Variants in SESTD1 observed in about 807,000 individuals in gnomAD.
SESTD1 encodes the protein SEC14 domain and spectrin repeat-containing protein 1.
Under a neutral mutation model 101.7 loss-of-function variants are expected in SESTD1, and 43 were observed. That is an observed-to-expected ratio of 0.42 (90% CI 0.33 to 0.55). SESTD1 has a LOEUF of 0.55. SESTD1 is among the 20% of genes least tolerant of loss of function. The probability of loss-of-function intolerance (pLI) is 0.07; values close to 1 mark genes in which losing one functional copy is unlikely to be tolerated. For synonymous variants in SESTD1, 283 were observed against 286.8 expected (o/e 0.99, Z 0.13); for missense variants, 647 against 815.1 (o/e 0.79, Z 2.51).
At chr2:179,119,541 C>A (rs2044702852) in intron 13 of SESTD1, among the ~76,000 whole-genome samples, 1 of 152,148 alleles carries the variant, frequency 6.6e-6, no homozygotes, top group Non-Finnish European at 1.5e-5. Context: ...TTAGATGCCT[C>A]CCCTTCCACC....
At chr2:179,139,092 C>T (rs568883042) in intron 9 of SESTD1, among the ~76,000 whole-genome samples, 1 of 152,020 alleles carries the variant, frequency 6.6e-6, no homozygotes, top group African/African-American at 2.4e-5. Flanking sequence ...ATGCATATTC[C>T]CATTGTAATG....
intron 1 of SESTD1, among the ~76,000 whole-genome samples, chr2:179,232,473 GA>G (rs1180306127): frequency 1.3e-5 from 2 of 151,046 alleles, no homozygotes; most frequent in East Asian, 3.9e-4. Flanking sequence ...GGTTAATCCA[GA>G]AAAAAAAGAG....
chr2:179,192,871 T>A (rs2046338129), intron 1 of SESTD1, among the ~76,000 whole-genome samples: 1 of 152,188 alleles, frequency 6.6e-6, no homozygotes, highest in Non-Finnish European at 1.5e-5. Context: ...CCCTATCCCA[T>A]CTCACACCCA....
chr2:179,146,904 GGTGT>G (rs71023470), intron 7 of SESTD1, among the ~76,000 whole-genome samples: 8,339 of 145,416 alleles, frequency 0.057, 298 homozygotes, highest in Middle Eastern at 0.12. Flanking sequence ...ATATTCCAGG[GGTGT>G]GTGTGTGTGT....
Position 179,208,033 on chromosome 2 carries a change from A to G in SESTD1, c.-25-16167T>C. ...GAAATAGATATCATAAAGAAAAGAC[A>G]ATCACAACACCTAGAAATAAAAGAC... is the stretch of plus-strand genomic sequence containing the variant. On this transcript the variant is annotated intron_variant, in intron 1 of 17. Coordinates refer to ENST00000428443, the MANE Select transcript of SESTD1 (RefSeq NM_178123.5). 1.5e-5 allele frequency among the ~76,000 whole-genome samples: 2 copies of G among 134,744 alleles called. 1 individual carries two copies. The highest frequency in any genetic ancestry group is 3.2e-5 in the Non-Finnish European group (2 of 62,854). 88.4% of individuals were successfully genotyped at this position (134,744 alleles called of 152,430 possible). A position where few individuals can be genotyped will look rare whatever the true frequency, so the allele number is the denominator to read the frequency against.
chr2:179,120,233 A>AAAAAG (rs906607990), intron 13 of SESTD1, among the ~76,000 whole-genome samples: 2 of 151,982 alleles, frequency 1.3e-5, no homozygotes, highest in Admixed American at 6.6e-5. Context: ...GTTTCAAAAA[A>AAAAAG]AAAAGAAAAG....
chr2:179,141,895 T>C (rs578040584), intron 9 of SESTD1, among the ~76,000 whole-genome samples: 1 of 152,304 alleles, frequency 6.6e-6, no homozygotes, highest in Non-Finnish European at 1.5e-5. Context: ...AAAAGCCACA[T>C]ACAATTAACG....
At chr2:179,175,566 T>C (rs2045997354) in intron 4 of SESTD1, among the ~76,000 whole-genome samples, 1 of 152,174 alleles carries the variant, frequency 6.6e-6, no homozygotes, top group South Asian at 2.1e-4. Context: ...TGCTTCATTA[T>C]GAGCTATATG....
chr2:179,124,233 T>C (rs2044819180), intron 11 of SESTD1, 131 bp downstream of exon 11: 2 of 829,698 alleles, frequency 2.4e-6, no homozygotes, highest in African/African-American at 3.5e-5. Context: ...TTTATCTCAT[T>C]ACCCCCACCA....
At chr2:179,137,559 T>C (rs2045175780) in intron 9 of SESTD1, among the ~76,000 whole-genome samples, 1 of 152,226 alleles carries the variant, frequency 6.6e-6, no homozygotes, top group African/African-American at 2.4e-5. Flanking sequence ...ATAATGAGCA[T>C]AATGATAGCA....
intron 13 of SESTD1, 51 bp from the exon 14 acceptor site, chr2:179,117,664 C>A: frequency 7.1e-7 from 1 of 1,402,920 alleles, no homozygotes; most frequent in Admixed American, 2.5e-5. Flanking sequence ...TTATTGATTA[C>A]TATTGTAACA....
chr2:179,216,543 T>G (rs1259545881), intron 1 of SESTD1, among the ~76,000 whole-genome samples: 1 of 135,036 alleles, frequency 7.4e-6, no homozygotes, highest in Admixed American at 7.1e-5. Flanking sequence ...ATTGTGAAAA[T>G]GGCCATACTG....
rs118164305 is a variant in SESTD1, at chr2:179,228,081, G to A, written c.-25-36215C>T. Among the ~76,000 whole-genome samples the A allele has an allele frequency of 1.1e-3, 166 of 152,190 alleles. 3 individuals are homozygous for A. The East Asian group carries it at 0.026, about 23-fold the overall frequency. Reference sequence around the variant, plus strand: ...CTCCTTATGATCCCTTCCCTCGTAGGAATCTACCATCTATCAATCACTGAG... The same window carrying A: ...CTCCTTATGATCCCTTCCCTCGTAGAAATCTACCATCTATCAATCACTGAG... On this transcript the variant is annotated intron_variant, in intron 1 of 17. Transcript: ENST00000428443.
At chr2:179,199,372 A>C (rs914169258) in intron 1 of SESTD1, among the ~76,000 whole-genome samples, 6 of 152,200 alleles carry the variant, frequency 3.9e-5, no homozygotes, top group African/African-American at 1.4e-4. Context: ...ATTCTACCAG[A>C]GGTACAAGGA....
intron 10 of SESTD1, among the ~76,000 whole-genome samples, chr2:179,130,259 T>C (rs1000016803): frequency 6.6e-6 from 1 of 152,130 alleles, no homozygotes; most frequent in Non-Finnish European, 1.5e-5. Flanking sequence ...AACTATTCAC[T>C]GATCAAAAAA....
rs2045256162 is a variant in SESTD1 at position 179,140,567 on chromosome 2, T to C, written c.849+3025A>G. The stretch of plus-strand genomic sequence containing the variant: ...ATTTCTGTTGTTAAATCACTTAGTC[T>C]GTTTGCTACGGCAGCCCTCGCAAAG... On this transcript the variant is annotated intron_variant, in intron 9 of 17. Transcript: ENST00000428443. Among the ~76,000 whole-genome samples, 4 of 152,224 alleles carry C rather than the reference T, an allele frequency of 2.6e-5. No homozygotes were observed. The South Asian group carries it at 8.3e-4, about 31-fold the overall frequency.
chr2:179,201,266 G>A (rs545277382), intron 1 of SESTD1, among the ~76,000 whole-genome samples: 1 of 131,084 alleles, frequency 7.6e-6, no homozygotes, highest in South Asian at 2.9e-4. Flanking sequence ...TAAAAAGTCA[G>A]GAAACAACAG....
At chr2:179,183,796 T>C (rs1318037256) in intron 2 of SESTD1, among the ~76,000 whole-genome samples, 3 of 137,380 alleles carry the variant, frequency 2.2e-5, no homozygotes, top group African/African-American at 8.3e-5. Flanking sequence ...CGGGGCAACA[T>C]AGCAAGATTG....
At chr2:179,207,355 T>G (rs753198713) in intron 1 of SESTD1, among the ~76,000 whole-genome samples, 1 of 135,286 alleles carries the variant, frequency 7.4e-6, no homozygotes, top group Non-Finnish European at 1.6e-5. Flanking sequence ...TTCCACCACC[T>G]GCAACACTCT....
Sources: gnomAD v4.1 joint callset for allele counts (sites outside exome capture counted in the v4.1 genomes callset) on GRCh38, gnomAD v4.1.1 for gene constraint, MANE v1.5 for transcripts, NCBI Gene and HGNC (gene_info 2026-07-23, HGNC 2026-07-21) for gene names.